The following RBFOX1 variants were observed in gnomAD, a reference collection of about 807,000 sequenced individuals.
RBFOX1 encodes RNA binding fox-1 homolog 1, also known as RNA binding protein fox-1 homolog 1.
RBFOX1 carries 8 observed loss-of-function variants against 57.7 expected under a neutral mutation model. That is an observed-to-expected ratio of 0.14 (90% CI 0.08 to 0.25). The LOEUF is 0.25. Ranked by LOEUF, RBFOX1 falls within the 10% of genes least tolerant of loss-of-function variation. RBFOX1 has a pLI of 1.00. For synonymous variants in RBFOX1, 326 were observed against 222.4 expected, an observed-to-expected ratio of 1.47 and a Z score of -4.15; for missense variants, 611 against 548.5, an observed-to-expected ratio of 1.11 and a Z score of -1.14.
At chr16:5,748,191 G>T (rs1370811279) in intron 3 of RBFOX1, among the ~76,000 whole-genome samples, 1 of 152,088 alleles carries the variant, frequency 6.6e-6, no homozygotes, top group African/African-American at 2.4e-5. Context: ...GGTTTTGAGT[G>T]AGTTTCTTAA....
At chr16:6,283,521 C>A (rs556364585) in intron 1 of RBFOX1, among the ~76,000 whole-genome samples, 7 of 152,162 alleles carry the variant, frequency 4.6e-5, no homozygotes, top group African/African-American at 1.7e-4. Flanking sequence ...TTGAACTTCA[C>A]GTAGTATACA....
At chr16:7,019,042 C>A (rs935027668) in intron 3 of RBFOX1, among the ~76,000 whole-genome samples, 2 of 151,866 alleles carry the variant, frequency 1.3e-5, no homozygotes, top group Non-Finnish European at 2.9e-5. Context: ...AAAAACTGTT[C>A]CTGGTTTCCT....
At chr16:6,565,612 A>T (rs2345083) in intron 2 of RBFOX1, among the ~76,000 whole-genome samples, 4 of 149,842 alleles carry the variant, frequency 2.7e-5, no homozygotes, top group Non-Finnish European at 4.5e-5. Context: ...GAACTACAGG[A>T]GCCTGCTACC....
chr16:7,376,146 G>A (rs775001543), intron 4 of RBFOX1, among the ~76,000 whole-genome samples: 2 of 152,074 alleles, frequency 1.3e-5, no homozygotes, highest in Admixed American at 6.5e-5. Context: ...AGTAAGCAAG[G>A]GATGATTGCA....
At chr16:6,049,464 C>G (rs2095529874) in intron 1 of RBFOX1, among the ~76,000 whole-genome samples, 1 of 152,094 alleles carries the variant, frequency 6.6e-6, no homozygotes, top group African/African-American at 2.4e-5. Context: ...TATGCCCTGG[C>G]CACTCTCCCT....
chr16:7,599,638 C>CTTTTTTTTTTTTTTTTT lies in RBFOX1; in HGVS notation c.622+2219_622+2220insTTTTTTTTTTTTTTTTT, dbSNP rs542898195. Among the ~76,000 whole-genome samples, 4 of 62,808 alleles carry CTTTTTTTTTTTTTTTTT rather than the reference C, an allele frequency of 6.4e-5. 1 individual carries two copies. Among genetic ancestry groups the CTTTTTTTTTTTTTTTTT allele is most frequent in the African/African-American group, 2.0e-4 (4 of 20,334 alleles). 41.2% of individuals were successfully genotyped at this position (62,808 alleles called of 152,430 possible). A position where few individuals can be genotyped will look rare whatever the true frequency, so the allele number is the denominator to read the frequency against. ...GAGAAGATGAAGAAATTAATAAAGA[C>CTTTTTTTTTTTTTTTTT]TTTTTTTTTTTTCTTTTTTTTTTTT... On this transcript the variant is annotated intron_variant, in intron 9 of 15. Coordinates refer to ENST00000550418, the MANE Select transcript of RBFOX1 (RefSeq NM_018723.4).
chr16:5,959,336 C>T (rs35425981), intron 4 of RBFOX1, among the ~76,000 whole-genome samples: 1,554 of 152,332 alleles, frequency 0.01, 10 homozygotes, highest in Middle Eastern at 0.017. Flanking sequence ...CTGAATCTCT[C>T]AGTTGTCTGT....
At chr16:7,696,491 C>T (rs984376298) in intron 14 of RBFOX1, among the ~76,000 whole-genome samples, 4 of 149,466 alleles carry the variant, frequency 2.7e-5, no homozygotes, top group Non-Finnish European at 4.4e-5. Context: ...GAAGAAGGGT[C>T]TGGTATGAGA....
chr16:5,390,371 C>G (rs983076742), intron 1 of RBFOX1, among the ~76,000 whole-genome samples: 1 of 150,904 alleles, frequency 6.6e-6, no homozygotes, highest in East Asian at 2.0e-4. Context: ...TCACTGCAAC[C>G]TGTGCCTCCT....
At chr16:7,246,859 T>C (rs976240371) in intron 4 of RBFOX1, among the ~76,000 whole-genome samples, 1 of 152,068 alleles carries the variant, frequency 6.6e-6, no homozygotes, top group Non-Finnish European at 1.5e-5. Flanking sequence ...AGAGTCAAAG[T>C]TGAACTCCAG....
intron 5 of RBFOX1, among the ~76,000 whole-genome samples, chr16:7,523,505 G>A (rs1370137895): frequency 1.3e-5 from 2 of 152,184 alleles, no homozygotes; most frequent in Non-Finnish European, 2.9e-5. Flanking sequence ...TAGAGTATTT[G>A]AATGGCAATG....
chr16:5,856,723 G>C (rs1224152661), intron 3 of RBFOX1, among the ~76,000 whole-genome samples: 2 of 150,986 alleles, frequency 1.3e-5, no homozygotes, highest in African/African-American at 4.9e-5. Context: ...GGCTCTGCTA[G>C]CTTCAAGCTT....
intron 3 of RBFOX1, among the ~76,000 whole-genome samples, chr16:7,005,754 C>G (rs187740536): frequency 6.6e-6 from 1 of 152,192 alleles, no homozygotes; most frequent in Non-Finnish European, 1.5e-5. Context: ...TGAACTCAGT[C>G]CAAAACATGG....
intron 4 of RBFOX1, among the ~76,000 whole-genome samples, chr16:7,292,455 T>C (rs2095809054): frequency 7.1e-6 from 1 of 139,900 alleles, no homozygotes; most frequent in Admixed American, 7.4e-5. Context: ...ATATGTAATG[T>C]ATTATATATA....
chr16:7,218,312 A>C (rs1314320874), intron 4 of RBFOX1, among the ~76,000 whole-genome samples: 2 of 151,904 alleles, frequency 1.3e-5, no homozygotes. Flanking sequence ...TTGCTATAAT[A>C]CTCTAAGCCA....
intron 1 of RBFOX1, among the ~76,000 whole-genome samples, chr16:5,410,334 T>G (rs1596924651): frequency 6.6e-6 from 1 of 151,228 alleles, no homozygotes; most frequent in East Asian, 2.0e-4. Context: ...ATTGGGCCAC[T>G]GCACTCTAGC....
At chr16:7,022,658 T>C (rs1257411805) in intron 3 of RBFOX1, among the ~76,000 whole-genome samples, 3 of 151,994 alleles carry the variant, frequency 2.0e-5, no homozygotes, top group Non-Finnish European at 4.4e-5. Context: ...CATCCCCGTA[T>C]AGAGCTGACA....
At chr16:6,505,262 A>G (rs895155961) in intron 2 of RBFOX1, among the ~76,000 whole-genome samples, 9 of 152,188 alleles carry the variant, frequency 5.9e-5, no homozygotes, top group Admixed American at 5.2e-4. Context: ...CACAGTCAAT[A>G]GCAGAAATGT....
intron 4 of RBFOX1, among the ~76,000 whole-genome samples, chr16:7,278,323 T>G (rs1458169529): frequency 6.6e-6 from 1 of 152,192 alleles, no homozygotes; most frequent in African/African-American, 2.4e-5. Flanking sequence ...TCAAACCTCC[T>G]TCAGTGTCTC....
Sources: gnomAD v4.1 joint callset for allele counts (sites outside exome capture counted in the v4.1 genomes callset) on GRCh38, gnomAD v4.1.1 for gene constraint, MANE v1.5 for transcripts, NCBI Gene and HGNC (gene_info 2026-07-23, HGNC 2026-07-21) for gene names.